Variants in RBFOX1 observed in about 807,000 individuals in gnomAD.
RBFOX1 encodes RNA binding fox-1 homolog 1.
In RBFOX1, 8 loss-of-function variants were observed where a neutral mutation model predicts 57.7. The ratio of observed to expected loss-of-function variants is 0.14; its 90% confidence interval spans 0.08 to 0.25. The LOEUF is 0.25. Ranked by LOEUF, RBFOX1 falls within the 10% of genes least tolerant of loss-of-function variation. The pLI, the probability that RBFOX1 is intolerant of heterozygous loss-of-function variation, is 1.00. For missense variants in RBFOX1, 611 were observed against 548.5 expected, an observed-to-expected ratio of 1.11 and a Z score of -1.14; for synonymous variants, 326 against 222.4, an observed-to-expected ratio of 1.47 and a Z score of -4.15.
chr16:7,223,451 C>T (rs971761638), intron 4 of RBFOX1, among the ~76,000 whole-genome samples: 1 of 152,122 alleles, frequency 6.6e-6, no homozygotes, highest in Middle Eastern at 3.2e-3. Flanking sequence ...TGAATCATGA[C>T]AAATTCGCAT....
chr16:5,722,321 A>G (rs1050867142), intron 3 of RBFOX1, among the ~76,000 whole-genome samples: 1 of 152,184 alleles, frequency 6.6e-6, no homozygotes, highest in African/African-American at 2.4e-5. Context: ...TTGTTCCAGT[A>G]TGGTTTGAAG....
intron 3 of RBFOX1, among the ~76,000 whole-genome samples, chr16:6,997,545 T>G (rs977612656): frequency 2.0e-5 from 3 of 152,168 alleles, no homozygotes; most frequent in Non-Finnish European, 4.4e-5. Context: ...CCCACAGAGT[T>G]TAATGTGTAT....
At chr16:5,676,968 A>C (rs2151428180) in intron 3 of RBFOX1, among the ~76,000 whole-genome samples, 1 of 152,378 alleles carries the variant, frequency 6.6e-6, no homozygotes, top group South Asian at 2.1e-4. Flanking sequence ...TGAGGTAGCA[A>C]GTATGACTCT....
At chr16:5,882,803 T>C (rs1238077789) in intron 4 of RBFOX1, among the ~76,000 whole-genome samples, 1 of 152,182 alleles carries the variant, frequency 6.6e-6, no homozygotes, top group Non-Finnish European at 1.5e-5. Context: ...GTGAAAAATC[T>C]CATGCTGTGG....
At chr16:6,672,088 C>G (rs577209662) in intron 3 of RBFOX1, among the ~76,000 whole-genome samples, 1 of 152,326 alleles carries the variant, frequency 6.6e-6, no homozygotes, top group East Asian at 1.9e-4. Flanking sequence ...CATTCGGTTT[C>G]AAAGACCGTA....
chr16:7,693,093 C>T (rs577471339), intron 14 of RBFOX1, among the ~76,000 whole-genome samples: 1 of 152,222 alleles, frequency 6.6e-6, no homozygotes, highest in South Asian at 2.1e-4. Flanking sequence ...GGTGCAACAG[C>T]TTGTACATAG....
intron 3 of RBFOX1, among the ~76,000 whole-genome samples, chr16:6,801,164 C>T (rs2154257689): frequency 7.0e-6 from 1 of 142,688 alleles, no homozygotes; most frequent in South Asian, 2.2e-4. Context: ...TGTCTTGGAA[C>T]ACACTGTGAA....
intron 1 of RBFOX1, among the ~76,000 whole-genome samples, chr16:5,259,193 T>C (rs1237689352): frequency 6.6e-6 from 1 of 152,126 alleles, no homozygotes; most frequent in Admixed American, 6.5e-5. Flanking sequence ...TAGTGCCTTT[T>C]TTTTTTTAGT....
chr16:7,262,094 G>C (rs143712560), intron 4 of RBFOX1, among the ~76,000 whole-genome samples: 226 of 152,174 alleles, frequency 1.5e-3, no homozygotes, highest in African/African-American at 5.0e-3. Context: ...TTTGCTGGGG[G>C]TACCATTTCT....
chr16:6,801,678 C>G (rs991150002), intron 3 of RBFOX1, among the ~76,000 whole-genome samples: 2 of 152,084 alleles, frequency 1.3e-5, no homozygotes, highest in Non-Finnish European at 1.5e-5. Flanking sequence ...GGTCACACTG[C>G]TATTTCTCGT....
chr16:7,209,372 T>A (rs971955767), intron 4 of RBFOX1, among the ~76,000 whole-genome samples: 3 of 152,166 alleles, frequency 2.0e-5, no homozygotes, highest in African/African-American at 7.2e-5. Context: ...CCTTTTCTTA[T>A]AAGGACACCA....
At chr16:6,228,986 A>G (rs118152751) in intron 1 of RBFOX1, among the ~76,000 whole-genome samples, 4 of 152,206 alleles carry the variant, frequency 2.6e-5, no homozygotes, top group African/African-American at 9.6e-5. Flanking sequence ...CTTGGCGTTT[A>G]TATTAAATGA....
rs565372066 is a variant in RBFOX1, at chr16:7,233,830, G to A, written c.27+181732G>A. On this transcript the variant is annotated intron_variant, in intron 4 of 15. Transcript: ENST00000550418. ...TGTGCCTAATGGAGTCTTACTAAGG[G>A]CAAAGCTAATTGACAACAAGGTTTA... 5.3e-5 allele frequency among the ~76,000 whole-genome samples: 8 copies of A among 152,206 alleles called. No individual in the cohort carries two copies. The South Asian group carries it at 8.3e-4, about 16-fold the overall frequency.
chr16:6,726,596 C>T (rs2067243866), intron 3 of RBFOX1, among the ~76,000 whole-genome samples: 1 of 152,008 alleles, frequency 6.6e-6, no homozygotes, highest in Non-Finnish European at 1.5e-5. Context: ...TAGCTGCTTT[C>T]CTGGTCATAT....
intron 1 of RBFOX1, among the ~76,000 whole-genome samples, chr16:6,160,745 T>C (rs1483552730): frequency 6.6e-6 from 1 of 152,146 alleles, no homozygotes; most frequent in Non-Finnish European, 1.5e-5. Flanking sequence ...GCAACTGCAG[T>C]CGTTCCTCTA....
intron 3 of RBFOX1, among the ~76,000 whole-genome samples, chr16:6,828,635 G>T (rs971272102): frequency 6.6e-6 from 1 of 152,088 alleles, no homozygotes; most frequent in African/African-American, 2.4e-5. Context: ...ACCCAACATG[G>T]TGCTGAATTT....
chr16:5,834,101 A>G (rs1238491856), intron 3 of RBFOX1, among the ~76,000 whole-genome samples: 1 of 152,220 alleles, frequency 6.6e-6, no homozygotes, highest in African/African-American at 2.4e-5. Context: ...TCGTCTGTGA[A>G]TTCTGCTTAT....
At chr16:6,979,575 G>A (rs982573665) in intron 3 of RBFOX1, among the ~76,000 whole-genome samples, 8 of 152,148 alleles carry the variant, frequency 5.3e-5, no homozygotes, top group African/African-American at 1.4e-4. Context: ...GAGATAGCAG[G>A]ATTGCAGCAC....
chr16:6,452,528 C>T (rs1430074435), intron 2 of RBFOX1, among the ~76,000 whole-genome samples: 1 of 152,170 alleles, frequency 6.6e-6, no homozygotes, highest in Non-Finnish European at 1.5e-5. Context: ...GAAAAAGACC[C>T]TCTGAGAAGC....
Sources: allele counts gnomAD v4.1 joint callset (sites outside exome capture counted in the v4.1 genomes callset), GRCh38; gene constraint gnomAD v4.1.1; transcripts MANE v1.5; gene names NCBI Gene and HGNC (gene_info 2026-07-23, HGNC 2026-07-21).